Variants in DNAH7 observed in about 807,000 individuals in gnomAD.
DNAH7 encodes axonemal beta dynein heavy chain 7.
DNAH7 carries 397 observed loss-of-function variants against 444.6 expected under a neutral mutation model. The observed-to-expected ratio is 0.89, with a 90% CI of 0.82 to 0.97. The LOEUF is 0.97. Ranked by LOEUF, DNAH7 falls within the 50% of genes least tolerant of loss-of-function variation. DNAH7 has a pLI of 0.00. For missense variants in DNAH7, 4,902 were observed against 4,800.8 expected (o/e 1.02, Z -0.62); for synonymous variants, 1,636 against 1,624.4 (o/e 1.01, Z -0.17).
chr2:195,847,715 TTTTC>T (rs1266909368), intron 46 of DNAH7, among the ~76,000 whole-genome samples: 1 of 152,142 alleles, frequency 6.6e-6, no homozygotes, highest in African/African-American at 2.4e-5. Context: ...TTTCCAAGTA[TTTTC>T]TTTATGTTAC....
chr2:195,888,335 T>A lies in DNAH7; in HGVS notation c.5329A>T (p.Ile1777Phe), dbSNP rs370741288. 8 of 1,610,832 alleles carry A rather than the reference T, an allele frequency of 5.0e-6. No individual in the cohort carries two copies. The highest frequency in any genetic ancestry group is 6.8e-6 in the Non-Finnish European group (8 of 1,179,004). The change falls in exon 33 of 65, where the codon ATT becomes TTT. Residue 1777 changes from isoleucine (I) to phenylalanine (F), a missense_variant. Coordinates refer to ENST00000312428, the MANE Select transcript of DNAH7 (RefSeq NM_018897.3). The stretch of plus-strand genomic sequence containing the variant: ...AAGCCCATTATGAATTCCTTTTGAA[T>A]AACACTGACTGACGCAGGTAACAGA... ...VNLLPASVSV[I>F]QKEFIMGLFD...
At chr2:195,738,339 A>G (rs1277501972) in intron 64 of DNAH7, among the ~76,000 whole-genome samples, 1 of 152,220 alleles carries the variant, frequency 6.6e-6, no homozygotes, top group Non-Finnish European at 1.5e-5. Context: ...TCTTTCTAAA[A>G]GCATATTTTC....
chr2:195,855,675 A>C, intron 45 of DNAH7, 136 bp downstream of exon 45: 1 of 850,272 alleles, frequency 1.2e-6, no homozygotes, highest in East Asian at 2.5e-5. Flanking sequence ...CGATGGGCAG[A>C]TGTGGCCTGC....
At chr2:195,823,155 T>C (rs1221858638) in intron 49 of DNAH7, among the ~76,000 whole-genome samples, 1 of 152,196 alleles carries the variant, frequency 6.6e-6, no homozygotes, top group Non-Finnish European at 1.5e-5. Context: ...TAGTAGACAT[T>C]TGAAAGTGTT....
At chr2:195,946,175 G>A (rs751091422) in intron 19 of DNAH7, among the ~76,000 whole-genome samples, 1 of 152,124 alleles carries the variant, frequency 6.6e-6, no homozygotes, top group Admixed American at 6.6e-5. Context: ...AAAGTGGGTA[G>A]GGAAGATGAA....
intron 19 of DNAH7, among the ~76,000 whole-genome samples, chr2:195,944,449 T>C (rs1183523703): frequency 1.3e-5 from 2 of 152,156 alleles, no homozygotes; most frequent in African/African-American, 2.4e-5. Flanking sequence ...ATCTAACTTA[T>C]GTTCTTTCCT....
chr2:196,028,761 A>G (rs1031508567), intron 5 of DNAH7, among the ~76,000 whole-genome samples: 2 of 152,168 alleles, frequency 1.3e-5, no homozygotes, highest in African/African-American at 4.8e-5. Context: ...TCTCAACTTC[A>G]TCTAAAATGG....
chr2:195,809,149 T>G (rs912137753), intron 52 of DNAH7, among the ~76,000 whole-genome samples: 1 of 152,244 alleles, frequency 6.6e-6, no homozygotes, highest in African/African-American at 2.4e-5. Flanking sequence ...GAATATGTTC[T>G]ATTCGAATAC....
chr2:195,951,306 T>C (rs978576846), intron 19 of DNAH7, among the ~76,000 whole-genome samples: 4 of 152,166 alleles, frequency 2.6e-5, no homozygotes, highest in Non-Finnish European at 5.9e-5. Context: ...TCTGAGAGAC[T>C]GTTTGTTATG....
At chr2:195,924,932 C>T (rs1486123523) in intron 22 of DNAH7, among the ~76,000 whole-genome samples, 1 of 152,164 alleles carries the variant, frequency 6.6e-6, no homozygotes. Flanking sequence ...GCTCCAGTGG[C>T]TGCTTTTTCT....
intron 20 of DNAH7, among the ~76,000 whole-genome samples, chr2:195,935,874 G>A (rs1414527184): frequency 1.3e-5 from 2 of 152,100 alleles, no homozygotes; most frequent in African/African-American, 4.8e-5. Flanking sequence ...ACTGAGAAAG[G>A]AGGCTGCCCC....
chr2:196,047,026 C>T (rs1022601160), intron 5 of DNAH7, among the ~76,000 whole-genome samples: 1 of 151,988 alleles, frequency 6.6e-6, no homozygotes, highest in African/African-American at 2.4e-5. Flanking sequence ...CCGGAAAAGT[C>T]ACCCCCATCA....
chr2:195,740,650 T>TATATATACACACAC, intron 64 of DNAH7, 116 bp downstream of exon 64: 1 of 72,202 alleles, frequency 1.4e-5, no homozygotes, highest in African/African-American at 6.6e-5. Flanking sequence ...TATATACATA[T>TATATATACACACAC]ACACACACAC....
intron 15 of DNAH7, among the ~76,000 whole-genome samples, chr2:195,975,430 T>C (rs1021365019): frequency 2.6e-5 from 4 of 152,184 alleles, no homozygotes; most frequent in African/African-American, 9.7e-5. Context: ...ACCTGAGTTT[T>C]GGCAAACCTT....
intron 15 of DNAH7, among the ~76,000 whole-genome samples, chr2:195,974,812 C>A (rs747454076): frequency 3.1e-4 from 46 of 148,068 alleles, no homozygotes; most frequent in Non-Finnish European, 6.4e-4. Flanking sequence ...ATATGAAGGA[C>A]CTCAATCCAA....
At chr2:195,823,459 C>T (rs1056109639) in intron 49 of DNAH7, among the ~76,000 whole-genome samples, 7 of 152,160 alleles carry the variant, frequency 4.6e-5, no homozygotes, top group Admixed American at 3.9e-4. Flanking sequence ...TACACCATCT[C>T]GATCTTTTCT....
chr2:195,958,211 A>G (rs1473444849), intron 18 of DNAH7, among the ~76,000 whole-genome samples: 3 of 152,076 alleles, frequency 2.0e-5, no homozygotes, highest in Non-Finnish European at 4.4e-5. Flanking sequence ...AGATAAGAAG[A>G]CCAACCCCTC....
chr2:195,810,078 G>GT lies in DNAH7; in HGVS notation c.9762-208dup, dbSNP rs952412961. Among the ~76,000 whole-genome samples the GT allele has an allele frequency of 8.0e-3, 1,160 of 145,306 alleles. 23 individuals carry two copies. The highest frequency in any genetic ancestry group is 0.025 in the African/African-American group (997 of 39,970). On this transcript the variant is annotated intron_variant, in intron 51 of 64. Coordinates refer to ENST00000312428, the MANE Select transcript of DNAH7 (RefSeq NM_018897.3). ...CCAATTGCATTTTACTGTGGACTGA[G>GT]TTTTTTTTTTTTAAAACTTAATCTT...
intron 54 of DNAH7, among the ~76,000 whole-genome samples, chr2:195,801,885 T>C (rs1385520695): frequency 1.3e-5 from 2 of 152,172 alleles, no homozygotes; most frequent in East Asian, 3.8e-4. Flanking sequence ...GGGATCAGAT[T>C]TTTTTAATCC....
Sources: gnomAD v4.1 joint callset for allele counts (sites outside exome capture counted in the v4.1 genomes callset) on GRCh38, gnomAD v4.1.1 for gene constraint, MANE v1.5 for transcripts, NCBI Gene and HGNC (gene_info 2026-07-23, HGNC 2026-07-21) for gene names.